Variants in PODXL observed in about 807,000 individuals in gnomAD.
The protein encoded by PODXL is podocalyxin like.
A neutral mutation model predicts 48.9 loss-of-function variants in PODXL; 20 were observed. The observed-to-expected ratio is 0.41, with a 90% CI of 0.29 to 0.59. PODXL has a LOEUF of 0.59. Among genes scored for constraint, PODXL ranks in the 20% least tolerant of loss-of-function variants. The pLI, the probability that PODXL is intolerant of heterozygous loss-of-function variation, is 0.31. For missense variants in PODXL, 606 were observed against 675.1 expected, an observed-to-expected ratio of 0.90 and a Z score of 1.13; for synonymous variants, 295 against 287.4, an observed-to-expected ratio of 1.03 and a Z score of -0.27.
Position 131,506,622 on chromosome 7 carries a change from A to T in PODXL, c.1206T>A (p.Val402=). ...TGACGACCACGGTCTGACTTCCTGG[A>T]ACAGATGCCAGCCGTATGCCGCACT... The part of the protein sequence containing the change: ...QDKCGIRLAS[V]PGSQTVVVKE... The change falls in exon 6 of 9, where the codon GTT becomes GTA. Residue 402 remains valine (V), a synonymous_variant. Transcript: ENST00000378555. 1 of 1,614,166 alleles carries T rather than the reference A, an allele frequency of 6.2e-7. No homozygotes were observed. Among genetic ancestry groups the T allele is most frequent in the Admixed American group, 1.7e-5 (1 of 60,022 alleles).
In PODXL at chr7:131,539,345, T is replaced by C. The variant is rs113640633; in HGVS notation, c.100+16915A>G. 4.6e-3 allele frequency among the ~76,000 whole-genome samples: 696 copies of C among 152,286 alleles called. 3 individuals carry two copies. The highest frequency in any genetic ancestry group is 0.016 in the African/African-American group (658 of 41,552). ...TTTTTTAGAATGTATAAGCTCTTTT[T>C]TTTGAGACAGGGTCTTGCCCTGTCA... is the stretch of plus-strand genomic sequence containing the variant. On this transcript the variant is annotated intron_variant, in intron 1 of 8. Transcript: ENST00000378555.
At position 131,510,949 on chromosome 7, in the gene PODXL, C is replaced by T. The variant is rs371023003; in HGVS notation, c.585G>A (p.Thr195=). The T allele has an allele frequency of 2.7e-5, 43 of 1,613,974 alleles. No homozygotes were observed. The highest frequency in any genetic ancestry group is 5.5e-5 in the South Asian group (5 of 91,074). The change falls in exon 2 of 9, where the codon ACG becomes ACA. Residue 195 remains threonine, a synonymous_variant. Coordinates refer to ENST00000378555, the MANE Select transcript of PODXL (RefSeq NM_001018111.3). ...AGCTTGTTGGGGTGGCCACAGGATG[C>T]GTCGAAGTGGGTTGTCGGGGGCTAA... ...SPLSPRQPTS[T]HPVATPTSSG...
chr7:131,504,256 T>G lies in PODXL; in HGVS notation c.*55A>C. ...TTCCCTTCCCCATCCAAACGGCACT[T>G]GGGGTGGTTGGTCTGGAGCTCTGTG... On this transcript the variant is annotated 3_prime_UTR_variant, in exon 9 of 9. Coordinates refer to ENST00000378555, the MANE Select transcript of PODXL (RefSeq NM_001018111.3). The G allele has an allele frequency of 6.9e-7, 1 of 1,459,252 alleles. No individual in the cohort carries two copies. Among genetic ancestry groups the G allele is most frequent in the Non-Finnish European group, 9.6e-7 (1 of 1,045,168 alleles). The allele number at this position is 1,459,252 out of a possible 1,614,324, so 90.4% of individuals were successfully genotyped here.
chr7:131,502,931 C>G lies in PODXL; in HGVS notation c.*1380G>C, dbSNP rs894443671. 1 of 152,764 alleles carries G rather than the reference C, an allele frequency of 6.5e-6. No homozygotes were observed. Among genetic ancestry groups the G allele is most frequent in the Non-Finnish European group, 1.5e-5 (1 of 68,128 alleles). 9.5% of individuals were successfully genotyped at this position (152,764 alleles called of 1,614,324 possible). ...AGAGAAGAGGAACAGCAAGGCCTAG[C>G]TCCAGGCCAGGACAGTGGGACGTTC... On this transcript the variant is annotated 3_prime_UTR_variant, in exon 9 of 9. Coordinates refer to ENST00000378555, the MANE Select transcript of PODXL (RefSeq NM_001018111.3).
At chr7:131,529,738 G>C (rs1053779221) in intron 1 of PODXL, among the ~76,000 whole-genome samples, 3 of 152,062 alleles carry the variant, frequency 2.0e-5, no homozygotes, top group African/African-American at 7.2e-5. Context: ...TCCTGCCCCC[G>C]CCTTGGACCC....
intron 1 of PODXL, among the ~76,000 whole-genome samples, chr7:131,511,745 C>T (rs565632229): frequency 6.6e-5 from 10 of 152,334 alleles, no homozygotes; most frequent in African/African-American, 2.4e-4. Context: ...CGTGAGCCAC[C>T]ACGCCTGGCA....
intron 5 of PODXL, among the ~76,000 whole-genome samples, chr7:131,507,349 T>C (rs1321568073): frequency 2.0e-5 from 3 of 152,138 alleles, no homozygotes; most frequent in Non-Finnish European, 4.4e-5. Context: ...ACCCCTAGGA[T>C]ATCTTGGAGG....
intron 3 of PODXL, among the ~76,000 whole-genome samples, chr7:131,509,926 C>T (rs974361625): frequency 2.0e-5 from 3 of 152,324 alleles, no homozygotes; most frequent in South Asian, 2.1e-4. Flanking sequence ...TGCCCGAGTT[C>T]CTGTGCCAAC....
intron 1 of PODXL, among the ~76,000 whole-genome samples, chr7:131,519,489 C>T (rs1408777099): frequency 2.0e-5 from 3 of 151,528 alleles, no homozygotes; most frequent in Non-Finnish European, 4.4e-5. Flanking sequence ...AATGAAAGAA[C>T]AACCAAAGAA....
At chr7:131,548,500 T>G (rs11496171) in intron 1 of PODXL, among the ~76,000 whole-genome samples, 33,772 of 152,204 alleles carry the variant, frequency 0.22, 4,197 homozygotes, top group Admixed American at 0.38. Context: ...GGAGGCACAC[T>G]CTAAAGAGGA....
At chr7:131,517,435 C>T (rs957533225) in intron 1 of PODXL, among the ~76,000 whole-genome samples, 5 of 152,308 alleles carry the variant, frequency 3.3e-5, no homozygotes, top group South Asian at 4.1e-4. Context: ...CGATAGAGAA[C>T]GCAGCCAGTC....
chr7:131,532,790 A>C (rs1798304714), intron 1 of PODXL, among the ~76,000 whole-genome samples: 1 of 152,160 alleles, frequency 6.6e-6, no homozygotes, highest in South Asian at 2.1e-4. Context: ...TGAGGTCCTG[A>C]GGATGGAGCC....
At chr7:131,521,589 T>G (rs1333438727) in intron 1 of PODXL, among the ~76,000 whole-genome samples, 4 of 152,244 alleles carry the variant, frequency 2.6e-5, no homozygotes, top group Non-Finnish European at 5.9e-5. Context: ...CACCTCGGCT[T>G]CCCAAAGTGC....
chr7:131,543,265 A>C (rs1012859172), intron 1 of PODXL, among the ~76,000 whole-genome samples: 1 of 152,076 alleles, frequency 6.6e-6, no homozygotes, highest in Non-Finnish European at 1.5e-5. Flanking sequence ...AGCTGGAATT[A>C]CAGGTCCATA....
At chr7:131,510,111 A>G (rs1797882809) in intron 3 of PODXL, 125 bp downstream of exon 3, 7 of 377,488 alleles carry the variant, frequency 1.9e-5, no homozygotes, top group South Asian at 1.4e-4. Flanking sequence ...GAGATGGGCC[A>G]TGATCCTAAG....
chr7:131,516,329 G>A (rs189332555), intron 1 of PODXL, among the ~76,000 whole-genome samples: 3 of 152,110 alleles, frequency 2.0e-5, no homozygotes, highest in South Asian at 2.1e-4. Flanking sequence ...TCACAAGGTC[G>A]GGAGTTTGAG....
At chr7:131,553,472 G>A (rs571793585) in intron 1 of PODXL, among the ~76,000 whole-genome samples, 1 of 152,318 alleles carries the variant, frequency 6.6e-6, no homozygotes, top group South Asian at 2.1e-4. Flanking sequence ...CAATATATAT[G>A]CTTACTAATC....
At position 131,506,278 on chromosome 7, in the gene PODXL, T is replaced by C. The variant is rs748288971; in HGVS notation, c.1293A>G (p.Lys431=). Residue 431 remains lysine, a synonymous_variant, in exon 7 of 9, where the codon AAA becomes AAG. Coordinates refer to ENST00000378555, the MANE Select transcript of PODXL (RefSeq NM_001018111.3). ...AKDVYERLKD[K]WDELKEAGVS... is the part of the protein sequence containing the mutation. ...CGCTTACCTCCTTTAGTTCATCCCA[T>C]TTGTCCTTCAGCCGCTCGTACACAT... 1.9e-6 allele frequency: 3 copies of C among 1,614,144 alleles called. No individual in the cohort carries two copies. The South Asian group carries it at 3.3e-5, about 18-fold the overall frequency.
intron 5 of PODXL, among the ~76,000 whole-genome samples, chr7:131,508,600 C>G (rs1285723833): frequency 6.6e-6 from 1 of 151,364 alleles, no homozygotes; most frequent in Non-Finnish European, 1.5e-5. Context: ...CCAAAGAGAT[C>G]AACTCACCAA....
Sources: allele counts gnomAD v4.1 joint callset (sites outside exome capture counted in the v4.1 genomes callset), GRCh38; gene constraint gnomAD v4.1.1; transcripts MANE v1.5; gene names NCBI Gene and HGNC (gene_info 2026-07-23, HGNC 2026-07-21).